The following SPSB4 variants were observed in gnomAD, a reference collection of about 807,000 sequenced individuals.
SPSB4 encodes SPRY domain-containing SOCS box protein 4.
A neutral mutation model predicts 20.9 loss-of-function variants in SPSB4; 21 were observed. That is an observed-to-expected ratio of 1.01 (90% CI 0.71 to 1.45). The LOEUF is 1.45. SPSB4 is among the 40% of genes most tolerant of loss of function. The probability of loss-of-function intolerance (pLI) is 0.00; values close to 1 mark genes in which losing one functional copy is unlikely to be tolerated. For missense variants in SPSB4, 399 were observed against 399.2 expected (o/e 1.00, Z 0.00); for synonymous variants, 207 against 183.8 (o/e 1.13, Z -1.02).
intron 2 of SPSB4, among the ~76,000 whole-genome samples, chr3:141,144,989 G>A (rs549181750): frequency 2.2e-4 from 34 of 152,262 alleles, no homozygotes; most frequent in African/African-American, 8.2e-4. Flanking sequence ...GAGAGATGGG[G>A]ACACCCTGAG....
chr3:141,074,578 T>C (rs557241893), intron 2 of SPSB4, among the ~76,000 whole-genome samples: 2 of 152,314 alleles, frequency 1.3e-5, no homozygotes, highest in East Asian at 3.9e-4. Flanking sequence ...TTGTTGCAAA[T>C]GAGCTGGGAG....
rs1247778909 is a variant in SPSB4 at position 141,140,551 on chromosome 3, A to T, written c.695-6591A>T. Among the ~76,000 whole-genome samples the T allele has an allele frequency of 1.5e-4, 23 of 152,304 alleles. No individual in the cohort carries two copies. In the East Asian group the frequency reaches 4.4e-3, roughly 29 times the overall value. On this transcript the variant is annotated intron_variant, in intron 2 of 2. Transcript: ENST00000310546. ...TCTTTGTTAGTTTTCCTTCTAACAG[A>T]CAGGACCCTCAGCTGCAGGTCTGTT...
chr3:141,139,497 T>C (rs1467082783), intron 2 of SPSB4, among the ~76,000 whole-genome samples: 2 of 152,258 alleles, frequency 1.3e-5, no homozygotes, highest in Non-Finnish European at 1.5e-5. Context: ...CCATGTTTAG[T>C]GCTTCCTTCA....
chr3:141,135,189 T>G (rs1365786179), intron 2 of SPSB4, among the ~76,000 whole-genome samples: 1 of 152,012 alleles, frequency 6.6e-6, no homozygotes, highest in Non-Finnish European at 1.5e-5. Flanking sequence ...AATTGTTGTA[T>G]GATTCTTTTT....
intron 2 of SPSB4, among the ~76,000 whole-genome samples, chr3:141,074,542 C>A (rs145133360): frequency 6.6e-6 from 1 of 152,202 alleles, no homozygotes; most frequent in African/African-American, 2.4e-5. Context: ...GGAAATGCCA[C>A]CTGAGGTTCA....
chr3:141,072,777 C>T (rs1289690422), intron 2 of SPSB4, among the ~76,000 whole-genome samples: 1 of 152,182 alleles, frequency 6.6e-6, no homozygotes, highest in Non-Finnish European at 1.5e-5. Context: ...TACCAAAGGG[C>T]GTATGGTGAA....
rs116188259 is a variant in SPSB4 at position 141,126,822 on chromosome 3, G to A, written c.695-20320G>A. Among the ~76,000 whole-genome samples the A allele has an allele frequency of 6.8e-3, 1,040 of 152,338 alleles. 13 individuals are homozygous for A. The highest frequency in any genetic ancestry group is 0.024 in the African/African-American group (1,000 of 41,576). On this transcript the variant is annotated intron_variant, in intron 2 of 2. Transcript: ENST00000310546. Reference sequence around the variant, plus strand: ...TCCGACCCCTTCCATGGATAGATTAGTAGTGGATCTGCCTCTGCTTTTGAT... The same window carrying A: ...TCCGACCCCTTCCATGGATAGATTAATAGTGGATCTGCCTCTGCTTTTGAT...
rs1253683670 is a variant in SPSB4, at chr3:141,053,614, C to G, written c.-154+1622C>G. On this transcript the variant is annotated intron_variant, in intron 1 of 2. Transcript: ENST00000310546. The stretch of plus-strand genomic sequence containing the variant: ...ATATGTAAGAGATTCCTGAGGTCAA[C>G]AAACAAAAGATCAAATGGGCAAAGA... 3.3e-5 allele frequency among the ~76,000 whole-genome samples: 5 copies of G among 152,174 alleles called. No individual in the cohort carries two copies. The East Asian group carries it at 5.8e-4, about 18-fold the overall frequency.
chr3:141,105,448 G>T (rs144382229), intron 2 of SPSB4, among the ~76,000 whole-genome samples: 1 of 152,154 alleles, frequency 6.6e-6, no homozygotes, highest in Non-Finnish European at 1.5e-5. Context: ...TTGGGTACTT[G>T]CTATATTATG....
chr3:141,091,105 A>G (rs569037543), intron 2 of SPSB4, among the ~76,000 whole-genome samples: 1 of 152,286 alleles, frequency 6.6e-6, no homozygotes, highest in African/African-American at 2.4e-5. Flanking sequence ...TGGACATGCT[A>G]TGGTTGAGAT....
rs1223063747 is a variant in SPSB4 at position 141,065,992 on chromosome 3, G to C, written c.-113G>C. ...CCGCAGCCCGGTAGAGGCTGTGGAG[G>C]TCTACCGTCCGGAAGCCTGGTTCCC... On this transcript the variant is annotated 5_prime_UTR_variant, in exon 2 of 3. Coordinates refer to ENST00000310546, the MANE Select transcript of SPSB4 (RefSeq NM_080862.3). 2 of 984,516 alleles carry C rather than the reference G, an allele frequency of 2.0e-6. No homozygotes were observed. Among genetic ancestry groups the C allele is most frequent in the African/African-American group, 3.5e-5 (2 of 57,228 alleles). 61.0% of individuals were successfully genotyped at this position (984,516 alleles called of 1,614,324 possible).
intron 2 of SPSB4, chr3:141,123,976 A>G (rs552679038): frequency 6.6e-6 from 1 of 152,348 alleles, no homozygotes; most frequent in African/African-American, 2.4e-5. Flanking sequence ...AGACCAAGGA[A>G]CTGGTGCTGT....
chr3:141,125,830 C>T (rs1166066251), intron 2 of SPSB4, among the ~76,000 whole-genome samples: 2 of 152,142 alleles, frequency 1.3e-5, no homozygotes, highest in Non-Finnish European at 1.5e-5. Context: ...ACTTGGTTTC[C>T]TTTGGGAGTT....
intron 2 of SPSB4, among the ~76,000 whole-genome samples, chr3:141,114,580 G>A (rs530935732): frequency 1.6e-4 from 25 of 152,268 alleles, no homozygotes; most frequent in African/African-American, 4.8e-4. Context: ...CTAAACCACC[G>A]TGGCCAGCCT....
At chr3:141,102,585 G>A (rs1938628712) in intron 2 of SPSB4, among the ~76,000 whole-genome samples, 1 of 152,170 alleles carries the variant, frequency 6.6e-6, no homozygotes, top group Admixed American at 6.5e-5. Context: ...AAGGCCCTGT[G>A]GCAAGAGGGA....
intron 1 of SPSB4, among the ~76,000 whole-genome samples, chr3:141,064,800 C>T (rs1170436234): frequency 1.3e-5 from 2 of 152,210 alleles, no homozygotes; most frequent in African/African-American, 2.4e-5. Flanking sequence ...ACCCAGGGCC[C>T]GTCCAAGTAG....
chr3:141,138,862 A>G (rs1939274154), intron 2 of SPSB4, among the ~76,000 whole-genome samples: 2 of 152,204 alleles, frequency 1.3e-5, no homozygotes, highest in Non-Finnish European at 2.9e-5. Flanking sequence ...CGCTTGGTGC[A>G]GAGCTGAGTT....
chr3:141,060,164 T>C (rs1937734432), intron 1 of SPSB4, among the ~76,000 whole-genome samples: 2 of 152,168 alleles, frequency 1.3e-5, no homozygotes, highest in Admixed American at 6.5e-5. Context: ...ACTTTGAGAC[T>C]ATGATTGCAA....
At position 141,066,448 on chromosome 3, in the gene SPSB4, T is replaced by C; in HGVS notation, c.344T>C (p.Val115Ala). The C allele has an allele frequency of 3.3e-6, 5 of 1,504,384 alleles. No individual in the cohort carries two copies. Among genetic ancestry groups the C allele is most frequent in the Non-Finnish European group, 4.4e-6 (5 of 1,127,360 alleles). The allele number at this position is 1,504,384 out of a possible 1,614,324, so 93.2% of individuals were successfully genotyped here. A position where few individuals can be genotyped will look rare whatever the true frequency, so the allele number is the denominator to read the frequency against. The change falls in exon 2 of 3, where the codon GTT becomes GCT. Residue 115 changes from valine (V) to alanine (A), a missense_variant. Coordinates refer to ENST00000310546, the MANE Select transcript of SPSB4 (RefSeq NM_080862.3). ...CGGCAGCGCGGCACCCACGCTGTAG[T>C]TGGTGTGGCCACGGCCCGTGCTCCC... The part of the protein sequence containing the change: ...PARQRGTHAV[V>A]GVATARAPLH...
Sources: gnomAD v4.1 joint callset for allele counts (sites outside exome capture counted in the v4.1 genomes callset) on GRCh38, gnomAD v4.1.1 for gene constraint, MANE v1.5 for transcripts, NCBI Gene and HGNC (gene_info 2026-07-23, HGNC 2026-07-21) for gene names.